HS2ST1: variants seen among roughly 807,000 people sequenced by gnomAD.
HS2ST1 encodes heparan sulfate 2-O-sulfotransferase 1, also known as 2-O-sulfotransferase.
Under a neutral mutation model 42.9 loss-of-function variants are expected in HS2ST1, and 18 were observed. The ratio of observed to expected loss-of-function variants is 0.42; its 90% CI spans 0.29 to 0.62. The LOEUF is 0.62. Ranked by LOEUF, HS2ST1 falls within the 20% of genes least tolerant of loss-of-function variation. The pLI, the probability that HS2ST1 is intolerant of heterozygous loss-of-function variation, is 0.21. For synonymous variants in HS2ST1, 146 were observed against 152.9 expected (o/e 0.95, Z 0.33); for missense variants, 334 against 433.8 (o/e 0.77, Z 2.04).
chr1:87,013,708 C>T (rs1649669107), intron 1 of HS2ST1, among the ~76,000 whole-genome samples: 1 of 152,200 alleles, frequency 6.6e-6, no homozygotes, highest in African/African-American at 2.4e-5. Flanking sequence ...TTATGCTCTG[C>T]TGCTTTTTTA....
At chr1:86,928,037 C>T (rs1254447331) in intron 1 of HS2ST1, among the ~76,000 whole-genome samples, 2 of 151,990 alleles carry the variant, frequency 1.3e-5, no homozygotes, top group Non-Finnish European at 2.9e-5. Flanking sequence ...TTAATAGTAA[C>T]TTAAAAATTG....
chr1:86,961,345 A>T (rs1647838477), intron 1 of HS2ST1, among the ~76,000 whole-genome samples: 1 of 152,136 alleles, frequency 6.6e-6, no homozygotes, highest in Non-Finnish European at 1.5e-5. Flanking sequence ...AACATATACT[A>T]TGATGAAATT....
chr1:87,011,812 G>A (rs1649604685), intron 1 of HS2ST1, among the ~76,000 whole-genome samples: 1 of 152,122 alleles, frequency 6.6e-6, no homozygotes, highest in Non-Finnish European at 1.5e-5. Context: ...GACAGATTTA[G>A]GTCTAAGATA....
chr1:86,990,925 C>T (rs1219195099), intron 1 of HS2ST1, among the ~76,000 whole-genome samples: 1 of 146,076 alleles, frequency 6.8e-6, no homozygotes, highest in Non-Finnish European at 1.5e-5. Flanking sequence ...GGGGATCCGC[C>T]TGCCTGGGCC....
chr1:86,932,449 G>T (rs1203183846), intron 1 of HS2ST1: 1 of 151,998 alleles, frequency 6.6e-6, no homozygotes, highest in African/African-American at 2.4e-5. Context: ...TATTTTATAG[G>T]CAAAGCAACA....
chr1:86,942,645 G>A (rs1204839895), intron 1 of HS2ST1, among the ~76,000 whole-genome samples: 1 of 152,024 alleles, frequency 6.6e-6, no homozygotes, highest in Non-Finnish European at 1.5e-5. Flanking sequence ...AGCTATTTTT[G>A]GCAAATGAAA....
intron 1 of HS2ST1, among the ~76,000 whole-genome samples, chr1:87,055,117 C>T (rs535198086): frequency 4.2e-4 from 64 of 152,280 alleles, no homozygotes; most frequent in South Asian, 6.2e-4. Flanking sequence ...ATTGTGCCCT[C>T]CCCATCCTAT....
At chr1:86,988,764 A>G (rs1037664965) in intron 1 of HS2ST1, among the ~76,000 whole-genome samples, 4 of 152,226 alleles carry the variant, frequency 2.6e-5, no homozygotes, top group Non-Finnish European at 5.9e-5. Context: ...CAAACGGGTC[A>G]TTTTGTTAAT....
chr1:87,031,587 T>G (rs1650239253), intron 1 of HS2ST1, among the ~76,000 whole-genome samples: 1 of 152,248 alleles, frequency 6.6e-6, no homozygotes, highest in Non-Finnish European at 1.5e-5. Flanking sequence ...ATTCTTTTTT[T>G]GGTAGCAAGA....
intron 1 of HS2ST1, chr1:86,993,067 A>G (rs1649004824): frequency 6.3e-7 from 1 of 1,590,306 alleles, no homozygotes; most frequent in Non-Finnish European, 8.6e-7. Context: ...GAAGGTCACC[A>G]AGTCTTTCCT....
chr1:86,923,466 G>A (rs1570423670), intron 1 of HS2ST1, among the ~76,000 whole-genome samples: 3 of 150,562 alleles, frequency 2.0e-5, no homozygotes, highest in African/African-American at 4.9e-5. Flanking sequence ...GCGCAATCTC[G>A]GCTCACTGCA....
At chr1:86,922,369 A>C (rs114736147) in intron 1 of HS2ST1, among the ~76,000 whole-genome samples, 3,554 of 151,424 alleles carry the variant, frequency 0.023, 70 homozygotes, top group African/African-American at 0.049. Flanking sequence ...AATGTTTAAA[A>C]ATTTTTTAAA....
intron 4 of HS2ST1, among the ~76,000 whole-genome samples, chr1:87,094,895 A>G (rs551866680): frequency 6.6e-6 from 1 of 152,226 alleles, no homozygotes; most frequent in South Asian, 2.1e-4. Context: ...GCAAAATACT[A>G]TTGCATTGTC....
chr1:86,941,294 T>C (rs1047937402), intron 1 of HS2ST1, among the ~76,000 whole-genome samples: 12 of 152,138 alleles, frequency 7.9e-5, no homozygotes, highest in African/African-American at 2.9e-4. Flanking sequence ...ATAATATTCC[T>C]CATTTTTTCT....
intron 1 of HS2ST1, among the ~76,000 whole-genome samples, chr1:87,061,197 G>A (rs1431498080): frequency 1.3e-5 from 2 of 151,976 alleles, no homozygotes; most frequent in Non-Finnish European, 2.9e-5. Context: ...TGTTTTTAAT[G>A]TTATTATTAA....
chr1:86,992,581 C>CT (rs1173160957), intron 1 of HS2ST1, among the ~76,000 whole-genome samples: 3 of 152,134 alleles, frequency 2.0e-5, no homozygotes, highest in Middle Eastern at 3.2e-3. Flanking sequence ...AGGCTGGTCT[C>CT]TAACTCCTGA....
intron 1 of HS2ST1, among the ~76,000 whole-genome samples, chr1:86,950,631 A>G (rs942540342): frequency 6.6e-6 from 1 of 152,200 alleles, no homozygotes; most frequent in African/African-American, 2.4e-5. Context: ...TGACATATTT[A>G]GGAGTGAAAT....
chr1:86,955,267 G>A (rs1358060349), intron 1 of HS2ST1, among the ~76,000 whole-genome samples: 4 of 152,254 alleles, frequency 2.6e-5, no homozygotes, highest in South Asian at 4.2e-4. Flanking sequence ...TAGTGTAGGA[G>A]TCCCCAACCC....
chr1:87,005,326 TAAATC>T (rs1649406310), intron 1 of HS2ST1, among the ~76,000 whole-genome samples: 1 of 152,202 alleles, frequency 6.6e-6, no homozygotes. Flanking sequence ...AATTTTCAAA[TAAATC>T]AATCCTGGTA....
Sources: allele counts gnomAD v4.1 joint callset (sites outside exome capture counted in the v4.1 genomes callset), GRCh38; gene constraint gnomAD v4.1.1; transcripts MANE v1.5; gene names NCBI Gene and HGNC (gene_info 2026-07-23, HGNC 2026-07-21).